Variants in MYO1C observed in about 807,000 individuals in gnomAD.
MYO1C encodes myosin IC.
A neutral mutation model predicts 150.8 loss-of-function variants in MYO1C; 104 were observed. That is an observed-to-expected ratio of 0.69 (90% confidence interval 0.59 to 0.81). The LOEUF is 0.81. Among genes scored for constraint, MYO1C ranks in the 30% least tolerant of loss-of-function variants. The probability of loss-of-function intolerance (pLI) is 0.00; values close to 1 mark genes in which losing one functional copy is unlikely to be tolerated. For missense variants in MYO1C, 1,504 were observed against 1,435.0 expected (o/e 1.05, Z -0.78); for synonymous variants, 663 against 579.9 (o/e 1.14, Z -2.06).
At position 1,482,915 on chromosome 17, in the gene MYO1C, G is replaced by A. The variant is rs774487926; in HGVS notation, c.492C>T (p.Pro164=). The A allele has an allele frequency of 6.8e-5, 108 of 1,583,420 alleles. No individual in the cohort carries two copies. Among genetic ancestry groups the A allele is most frequent in the South Asian group, 5.2e-4 (47 of 90,038 alleles). Residue 164 remains proline (P), a synonymous_variant, in exon 4 of 32, where the codon CCC becomes CCT. Coordinates refer to ENST00000648651, the MANE Select transcript of MYO1C (RefSeq NM_001080779.2). The part of the protein sequence containing the change: ...LQFYAETCPA[P]ERGGAVRDRL... ...GGTCCCGCACGGCACCTCCGCGCTC[G>A]GGGGCTGGGCAGGTCTCTGCATAGA...
intron 25 of MYO1C, 151 bp downstream of exon 25, chr17:1,469,380 A>T (rs79752500): frequency 5.1e-6 from 3 of 593,282 alleles, no homozygotes. Flanking sequence ...AGAGTAGACC[A>T]GGGTAAATAC....
intron 25 of MYO1C, 149 bp from the exon 26 acceptor site, chr17:1,468,645 A>C: frequency 1.5e-6 from 1 of 672,602 alleles, no homozygotes; most frequent in Non-Finnish European, 2.7e-6. Flanking sequence ...CCTGCCCCCC[A>C]CACGCCCATC....
At chr17:1,485,775 T>TGGCGGCGGC (rs934285562) in intron 1 of MYO1C, 27 of 1,001,526 alleles carry the variant, frequency 2.7e-5, no homozygotes, top group Admixed American at 5.7e-5. Context: ...TCGGCGGCGG[T>TGGCGGCGGC]GGCGGCGGCG....
At chr17:1,467,123 GT>G in intron 31 of MYO1C, 118 bp downstream of exon 31, 1 of 933,498 alleles carries the variant, frequency 1.1e-6, no homozygotes, top group East Asian at 2.6e-5. Flanking sequence ...GATGGAAGAG[GT>G]GGTATGATGG....
chr17:1,468,315 C>A lies in MYO1C; in HGVS notation c.2705-7G>T, dbSNP rs1282336003. The stretch of plus-strand genomic sequence containing the variant: ...GGGCTGATCTCATCTGTACCTGCAA[C>A]TCAGATGGCGGGGAGGGAAGTCAGT... On this transcript the variant is annotated splice_polypyrimidine_tract_variant and splice_region_variant and intron_variant, in intron 26 of 31. Transcript: ENST00000648651. The A allele has an allele frequency of 2.5e-6, 4 of 1,614,092 alleles. No individual in the cohort carries two copies. The highest frequency in any genetic ancestry group is 3.4e-6 in the Non-Finnish European group (4 of 1,180,016).
chr17:1,481,032 G>A (rs560964770), intron 5 of MYO1C, 147 bp from the exon 6 acceptor site: 125 of 759,098 alleles, frequency 1.6e-4, no homozygotes, highest in Non-Finnish European at 2.4e-4. Context: ...GCTCAGGCAC[G>A]CCACCCACGC....
rs1200395520 is a variant in MYO1C at position 1,470,631 on chromosome 17, C to T, written c.2271G>A (p.Val757=). 3 of 1,597,680 alleles carry T rather than the reference C, an allele frequency of 1.9e-6. No homozygotes were observed. The highest frequency in any genetic ancestry group is 2.2e-5 in the South Asian group (2 of 90,542). The change falls in exon 22 of 32, where the codon GTG becomes GTA. Residue 757 remains valine (V), a synonymous_variant. Coordinates refer to ENST00000648651, the MANE Select transcript of MYO1C (RefSeq NM_001080779.2). ...GFHWRQKFLR[V]KRSAICIQSW... ...CATGGGCCCGCGAACCTGATCTCTT[C>T]ACCCGGAGGAATTTCTGCCGCCAGT...
At position 1,483,050 on chromosome 17, in the gene MYO1C, C is replaced by T. The variant is rs1318584505; in HGVS notation, c.357G>A (p.Val119=). The T allele has an allele frequency of 6.2e-7, 1 of 1,606,332 alleles. No homozygotes were observed. Among genetic ancestry groups the T allele is most frequent in the Non-Finnish European group, 8.5e-7 (1 of 1,177,380 alleles). The change falls in exon 4 of 32, where the codon GTG becomes GTA. Residue 119 remains valine, a synonymous_variant. Coordinates refer to ENST00000648651, the MANE Select transcript of MYO1C (RefSeq NM_001080779.2). ...GCAGTGCTCGGTACACAGTGTCCGC[C>T]ACGGCAAACCTGGGGCGGAGGCTCG... ...FYEVPPHLFA[V]ADTVYRALRT... is the part of the protein sequence containing the mutation.
At position 1,480,564 on chromosome 17, in the gene MYO1C, G is replaced by A. The variant is rs201395025; in HGVS notation, c.869C>T (p.Ala290Val). The A allele has an allele frequency of 6.2e-7, 1 of 1,614,212 alleles. No individual in the cohort carries two copies. The highest frequency in any genetic ancestry group is 1.1e-5 in the South Asian group (1 of 91,082). The change falls in exon 7 of 32, where the codon GCT becomes GTT. Residue 290 changes from alanine to valine, a missense_variant. Physicochemically the swap from Ala to Val is moderately conservative, Grantham distance 64 (BLOSUM62 0). Transcript: ENST00000648651. ...CTCGGTGAAATCAATGACTGTCAGA[G>A]CCTTCCTGACGACCTTCCAGTCACT... ...DKSDWKVVRKALTVIDFTEDE... is the reference protein window; with the variant it reads ...DKSDWKVVRKVLTVIDFTEDE...
At chr17:1,489,738 GA>G (rs56839267) in intron 1 of MYO1C, among the ~76,000 whole-genome samples, 45 of 148,658 alleles carry the variant, frequency 3.0e-4, no homozygotes, top group Middle Eastern at 3.5e-3. Flanking sequence ...TTGTATGGGG[GA>G]AAAAAAAAAG....
rs766641669 is a variant in MYO1C, at chr17:1,477,612, CA to C, written c.1483-17del. 1.6e-5 allele frequency: 25 copies of C among 1,606,208 alleles called. No individual in the cohort carries two copies. The African/African-American group carries it at 2.7e-4, about 17-fold the overall frequency. ...ACTCCTCATCCTGGGGGGTGTGGCA[CA>C]GGGGGAAGGACGTATGGGGGACAGG... On this transcript the variant is annotated splice_polypyrimidine_tract_variant and intron_variant, in intron 13 of 31. Coordinates refer to ENST00000648651, the MANE Select transcript of MYO1C (RefSeq NM_001080779.2).
chr17:1,478,231 G>A lies in MYO1C; in HGVS notation c.1296-39C>T. 1.9e-6 allele frequency: 3 copies of A among 1,593,780 alleles called. No individual in the cohort carries two copies. Among genetic ancestry groups the A allele is most frequent in the Non-Finnish European group, 2.6e-6 (3 of 1,162,862 alleles). On this transcript the variant is annotated intron_variant, in intron 11 of 31. Transcript: ENST00000648651. This position sits in a 1 kb window ranked among gnomAD's most constrained non-coding sequence, Gnocchi z 6.3. ...GAAGAGCCCACAGTGGCTCAGTGGGGACACAGGACCAGGAGAGGGGAAAAG... is the reference window on the plus strand; with the variant it reads ...GAAGAGCCCACAGTGGCTCAGTGGGAACACAGGACCAGGAGAGGGGAAAAG...
chr17:1,469,298 G>GGTAGGTGGGGTAAATACA, intron 25 of MYO1C: 1 of 566,724 alleles, frequency 1.8e-6, no homozygotes, highest in Non-Finnish European at 3.3e-6. Context: ...GGGTAAATAC[G>GGTAGGTGGGGTAAATACA]GTAGGTGGGG....
chr17:1,480,881 G>A lies in MYO1C; in HGVS notation c.632C>T (p.Ala211Val), dbSNP rs751438877. 9 of 1,613,830 alleles carry A rather than the reference G, an allele frequency of 5.6e-6. No individual in the cohort carries two copies. Among genetic ancestry groups the A allele is most frequent in the Non-Finnish European group, 7.6e-6 (9 of 1,179,972 alleles). The change falls in exon 6 of 32, where the codon GCC (alanine) becomes GTC (valine). Residue 211 changes from alanine to valine, a missense_variant. Physicochemically the swap from Ala to Val is moderately conservative, Grantham distance 64. Transcript: ENST00000648651. ...ACTGAGGATGTGGCCACCCACGGGG[G>A]CACCCTGTGGGCAGGGCAGGGCATG... is the stretch of plus-strand genomic sequence containing the variant. ...YMDVQFDFKG[A>V]PVGGHILSYL...
At chr17:1,472,750 G>A (rs149590587) in intron 17 of MYO1C, among the ~76,000 whole-genome samples, 2 of 152,180 alleles carry the variant, frequency 1.3e-5, no homozygotes, top group Non-Finnish European at 2.9e-5. Flanking sequence ...GGGTTAGGGG[G>A]CACCAGGTGA....
At chr17:1,477,813 A>G in intron 13 of MYO1C, 78 bp downstream of exon 13, 1 of 1,395,504 alleles carries the variant, frequency 7.2e-7, no homozygotes, top group Non-Finnish European at 1.0e-6. Context: ...TCCGTGGACC[A>G]GCCTGGAGAG....
At chr17:1,475,531 G>A (rs2074387837) in intron 14 of MYO1C, among the ~76,000 whole-genome samples, 1 of 152,246 alleles carries the variant, frequency 6.6e-6, no homozygotes, top group Non-Finnish European at 1.5e-5. Context: ...CCAGGACCGG[G>A]ACCTGGGCCT....
At chr17:1,477,374 G>T in intron 14 of MYO1C, 131 bp downstream of exon 14, 1 of 805,266 alleles carries the variant, frequency 1.2e-6, no homozygotes, top group Admixed American at 2.0e-5. Context: ...CATGTGAGGG[G>T]TCCTTAACTC....
chr17:1,484,044 A>G, intron 2 of MYO1C, 104 bp downstream of exon 2: 2 of 1,468,560 alleles, frequency 1.4e-6, no homozygotes, highest in Non-Finnish European at 1.8e-6. Flanking sequence ...CTGTCTCAAA[A>G]AAAAAAAAAA....
Sources: gnomAD v4.1 joint callset for allele counts (sites outside exome capture counted in the v4.1 genomes callset) on GRCh38, gnomAD v4.1.1 for gene constraint, Gnocchi (gnomAD v3.1) non-coding constraint, MANE v1.5 for transcripts, NCBI Gene and HGNC (gene_info 2026-07-23, HGNC 2026-07-21) for gene names.